Variants in RTN1 observed in about 807,000 individuals in gnomAD.
RTN1 encodes the protein reticulon 1.
A neutral mutation model predicts 65.5 loss-of-function variants in RTN1; 25 were observed. That is an observed-to-expected ratio of 0.38 (90% CI 0.28 to 0.53). RTN1 has a LOEUF of 0.53. Among genes scored for constraint, RTN1 ranks in the 20% least tolerant of loss-of-function variants. The pLI is 0.79. For synonymous variants in RTN1, 471 were observed against 447.6 expected (o/e 1.05, Z -0.66); for missense variants, 983 against 1,025.4 (o/e 0.96, Z 0.57).
intron 3 of RTN1, among the ~76,000 whole-genome samples, chr14:59,644,031 G>T (rs940692064): frequency 6.6e-6 from 1 of 152,184 alleles, no homozygotes; most frequent in Non-Finnish European, 1.5e-5. Context: ...GGATGATAAT[G>T]ATTCAACAAA....
chr14:59,870,608 TGCGGATCCCCCGGCGCGGCCATGGCTG>T lies in RTN1; in HGVS notation c.-5_22del. 5 of 1,430,144 alleles carry T rather than the reference TGCGGATCCCCCGGCGCGGCCATGGCTG, an allele frequency of 3.5e-6. No individual in the cohort carries two copies. The South Asian group carries it at 4.3e-5, about 12-fold the overall frequency. 88.6% of individuals were successfully genotyped at this position (1,430,144 alleles called of 1,614,324 possible). On this transcript the variant is annotated start_lost and 5_prime_UTR_variant, in exon 1 of 9. Transcript: ENST00000267484. This position sits in a 1 kb window ranked among gnomAD's most constrained non-coding sequence, Gnocchi z 5.1. ...GCCGGCCAGCGGCAGCAGCTCGTCC[TGCGGATCCCCCGGCGCGGCCATGGCTG>T]GCGGTCCCCCGGCGCGGCGACGGCG...
chr14:59,749,258 A>ATATATC (rs1885321314), intron 1 of RTN1, among the ~76,000 whole-genome samples: 5 of 77,146 alleles, frequency 6.5e-5, no homozygotes. Flanking sequence ...CTATATATCT[A>ATATATC]TATATATCTA....
intron 2 of RTN1, among the ~76,000 whole-genome samples, chr14:59,744,010 G>C (rs1289848925): frequency 6.6e-6 from 1 of 152,192 alleles, no homozygotes; most frequent in African/African-American, 2.4e-5. Flanking sequence ...GAAAATCAGG[G>C]ACCTGGCGCA....
chr14:59,621,906 A>G (rs1169355815), intron 3 of RTN1, among the ~76,000 whole-genome samples: 2 of 152,278 alleles, frequency 1.3e-5, no homozygotes, highest in East Asian at 1.9e-4. Context: ...ACTATAAAAT[A>G]GCAATAAATT....
intron 3 of RTN1, among the ~76,000 whole-genome samples, chr14:59,670,453 T>G (rs1326853830): frequency 6.6e-6 from 1 of 152,232 alleles, no homozygotes; most frequent in Non-Finnish European, 1.5e-5. Context: ...TGGTATAAAA[T>G]AAAGTTAGAG....
At chr14:59,854,621 C>G (rs1887570029) in intron 1 of RTN1, among the ~76,000 whole-genome samples, 1 of 108,338 alleles carries the variant, frequency 9.2e-6, no homozygotes, top group Non-Finnish European at 1.7e-5. Flanking sequence ...AGCCTGGAGA[C>G]AGAGCAAGAC....
intron 3 of RTN1, among the ~76,000 whole-genome samples, chr14:59,620,946 G>C (rs1882238554): frequency 6.6e-6 from 1 of 152,236 alleles, no homozygotes; most frequent in Admixed American, 6.5e-5. Flanking sequence ...TAGGCTGGGA[G>C]AGTGGCAATG....
At chr14:59,694,373 GACAA>G (rs1165143191) in intron 3 of RTN1, among the ~76,000 whole-genome samples, 4 of 152,150 alleles carry the variant, frequency 2.6e-5, no homozygotes, top group African/African-American at 9.7e-5. Context: ...ATAAATAATT[GACAA>G]ACACTCTAAG....
chr14:59,648,023 A>G (rs569596642), intron 3 of RTN1, among the ~76,000 whole-genome samples: 20 of 152,154 alleles, frequency 1.3e-4, no homozygotes, highest in Non-Finnish European at 2.2e-4. Context: ...AAAAACATTA[A>G]TAAGGTAGTC....
chr14:59,607,580 T>C, intron 3 of RTN1, 88 bp from the exon 4 acceptor site: 1 of 1,167,052 alleles, frequency 8.6e-7, no homozygotes. Context: ...CTGTGGTTGC[T>C]GTGGGTTCTC....
rs1448532535 is a variant in RTN1 at position 59,712,740 on chromosome 14, T to C, written c.1765+14179A>G. Among the ~76,000 whole-genome samples, 5 of 152,016 alleles carry C rather than the reference T, an allele frequency of 3.3e-5. No individual in the cohort carries two copies. The East Asian group carries it at 9.7e-4, about 29-fold the overall frequency. On this transcript the variant is annotated intron_variant, in intron 3 of 8. Coordinates refer to ENST00000267484, the MANE Select transcript of RTN1 (RefSeq NM_021136.3). ...CAGCCTGGGCAACATGGTGAAACCCTGTCTCTACTAAAAATACAAAATTAG... is the reference window on the plus strand; with the variant it reads ...CAGCCTGGGCAACATGGTGAAACCCCGTCTCTACTAAAAATACAAAATTAG...
At chr14:59,738,919 C>T (rs1001843402) in intron 2 of RTN1, among the ~76,000 whole-genome samples, 14 of 152,066 alleles carry the variant, frequency 9.2e-5, no homozygotes, top group South Asian at 2.1e-4. Context: ...AAATACCACA[C>T]GTTCTCACTT....
chr14:59,626,736 A>G (rs974641615), intron 3 of RTN1, among the ~76,000 whole-genome samples: 1 of 152,184 alleles, frequency 6.6e-6, no homozygotes, highest in Non-Finnish European at 1.5e-5. Flanking sequence ...CCTTTATAAC[A>G]TGAGAGTAAT....
intron 2 of RTN1, among the ~76,000 whole-genome samples, chr14:59,731,363 A>G (rs972424983): frequency 2.6e-5 from 4 of 152,136 alleles, no homozygotes; most frequent in Admixed American, 2.0e-4. Flanking sequence ...GGGTGAGAAA[A>G]GGGGGTGCAG....
intron 3 of RTN1, among the ~76,000 whole-genome samples, chr14:59,688,264 C>T (rs1883888796): frequency 6.6e-6 from 1 of 152,176 alleles, no homozygotes; most frequent in African/African-American, 2.4e-5. Flanking sequence ...CTCCAGCCAT[C>T]TGGAACACTC....
At chr14:59,793,926 G>C (rs1251299947) in intron 1 of RTN1, among the ~76,000 whole-genome samples, 1 of 152,012 alleles carries the variant, frequency 6.6e-6, no homozygotes, top group Non-Finnish European at 1.5e-5. Context: ...CTACACTCCT[G>C]TAACACATAA....
intron 1 of RTN1, among the ~76,000 whole-genome samples, chr14:59,746,735 G>T (rs1438584542): frequency 5.3e-5 from 8 of 152,186 alleles, no homozygotes; most frequent in Non-Finnish European, 1.0e-4. Context: ...ATAAGTTGGG[G>T]ACAGATCCTA....
intron 3 of RTN1, among the ~76,000 whole-genome samples, chr14:59,650,901 T>C (rs767669551): frequency 6.6e-6 from 1 of 152,098 alleles, no homozygotes; most frequent in Non-Finnish European, 1.5e-5. Context: ...ACTCAAGACA[T>C]AGGCATGGGG....
chr14:59,746,377 G>A lies in RTN1; in HGVS notation c.346C>T (p.Pro116Ser). Residue 116 changes from proline (P) to serine (S), a missense_variant, in exon 2 of 9, where the codon CCT becomes TCT. By Grantham distance (74) the Pro-to-Ser change is moderately conservative. Coordinates refer to ENST00000267484, the MANE Select transcript of RTN1 (RefSeq NM_021136.3). ...GTAAAATATGTAGAATCCTCCTGAG[G>A]TGGATAGCAGATGTCAGAAATGAGA... ...TSLISDICYP[P>S]QEDSTYFTGI... The A allele has an allele frequency of 6.2e-7, 1 of 1,614,074 alleles. No individual in the cohort carries two copies.
Sources: gnomAD v4.1 joint callset for allele counts (sites outside exome capture counted in the v4.1 genomes callset) on GRCh38, gnomAD v4.1.1 for gene constraint, Gnocchi (gnomAD v3.1) non-coding constraint, MANE v1.5 for transcripts, NCBI Gene and HGNC (gene_info 2026-07-23, HGNC 2026-07-21) for gene names.